NTRK3: variants seen among roughly 807,000 people sequenced by gnomAD.
NTRK3 encodes the protein NT-3 growth factor receptor.
NTRK3 carries 24 observed loss-of-function variants against 91.7 expected under a neutral mutation model. That is an observed-to-expected ratio of 0.26 (90% CI 0.19 to 0.37). NTRK3 has a LOEUF of 0.37. NTRK3 is among the 10% of genes least tolerant of loss of function. The pLI, the probability that NTRK3 is intolerant of heterozygous loss-of-function variation, is 1.00. For missense variants in NTRK3, 880 were observed against 1,068.9 expected, an observed-to-expected ratio of 0.82 and a Z score of 2.46; for synonymous variants, 483 against 404.0, an observed-to-expected ratio of 1.20 and a Z score of -2.34.
intron 13 of NTRK3, among the ~76,000 whole-genome samples, chr15:88,063,812 G>C (rs1295032868): frequency 6.6e-6 from 1 of 152,226 alleles, no homozygotes; most frequent in Non-Finnish European, 1.5e-5. Context: ...CTCCTGTCAT[G>C]AAAGGCCAAA....
intron 13 of NTRK3, among the ~76,000 whole-genome samples, chr15:88,034,429 G>A (rs529357142): frequency 6.6e-6 from 1 of 152,326 alleles, no homozygotes; most frequent in African/African-American, 2.4e-5. Flanking sequence ...CTTGGTAGAA[G>A]AATGCTTCTG....
intron 3 of NTRK3, among the ~76,000 whole-genome samples, chr15:88,226,103 G>A (rs1173488979): frequency 6.6e-6 from 1 of 152,198 alleles, no homozygotes; most frequent in Non-Finnish European, 1.5e-5. Flanking sequence ...GCAACACCAG[G>A]CAAGTCCTCT....
intron 3 of NTRK3, among the ~76,000 whole-genome samples, chr15:88,236,995 C>T (rs987017414): frequency 3.3e-5 from 5 of 152,152 alleles, no homozygotes; most frequent in East Asian, 3.9e-4. Flanking sequence ...TTAAGAGTAA[C>T]GCATTTCATT....
intron 3 of NTRK3, among the ~76,000 whole-genome samples, chr15:88,212,726 A>T (rs1365087866): frequency 2.4e-4 from 2 of 8,326 alleles, no homozygotes; most frequent in Non-Finnish European, 7.4e-4. Flanking sequence ...ACACACACAC[A>T]CACACACACA....
rs1175393887 is a variant in NTRK3, at chr15:88,235,935, C to T, written c.248+19971G>A. Reference sequence around the variant, plus strand: ...CCTCTGCAAGGCAAAGATACAAGGTCCTGTTTCGATGAGTCACATAAATGT... The same window carrying T: ...CCTCTGCAAGGCAAAGATACAAGGTTCTGTTTCGATGAGTCACATAAATGT... On this transcript the variant is annotated intron_variant, in intron 3 of 18. Transcript: ENST00000394480. The surrounding 1 kb of genome is among the most constrained non-coding windows in gnomAD (Gnocchi z 5.2). 6.6e-6 allele frequency among the ~76,000 whole-genome samples: 1 copy of T among 152,220 alleles called. No individual in the cohort carries two copies. Among genetic ancestry groups the T allele is most frequent in the Non-Finnish European group, 1.5e-5 (1 of 68,046 alleles).
intron 3 of NTRK3, among the ~76,000 whole-genome samples, chr15:88,247,282 CACCA>C (rs1468016821): frequency 6.6e-6 from 1 of 152,202 alleles, no homozygotes; most frequent in Admixed American, 6.5e-5. Flanking sequence ...CCAGAGCAGA[CACCA>C]ACAGGCGGAT....
At chr15:88,054,848 T>C (rs1014187429) in intron 13 of NTRK3, among the ~76,000 whole-genome samples, 1 of 152,202 alleles carries the variant, frequency 6.6e-6, no homozygotes, top group South Asian at 2.1e-4. Flanking sequence ...TGCATGTATT[T>C]TTTTTTCCAA....
chr15:87,879,401 C>G (rs1463670039), intron 18 of NTRK3, among the ~76,000 whole-genome samples: 8 of 152,188 alleles, frequency 5.3e-5, no homozygotes, highest in African/African-American at 1.4e-4. Flanking sequence ...CCTGGGGCAA[C>G]ATGGCATGGT....
At chr15:88,069,762 C>T (rs1435505702) in intron 13 of NTRK3, among the ~76,000 whole-genome samples, 1 of 152,216 alleles carries the variant, frequency 6.6e-6, no homozygotes, top group East Asian at 1.9e-4. Context: ...CTCATTCTCT[C>T]CTTTAGTGTT....
intron 14 of NTRK3, among the ~76,000 whole-genome samples, chr15:87,957,977 G>C (rs531459986): frequency 1.3e-5 from 2 of 152,190 alleles, no homozygotes; most frequent in Non-Finnish European, 2.9e-5. Flanking sequence ...ACAAAAGGGA[G>C]CCTATAAGCT....
intron 3 of NTRK3, among the ~76,000 whole-genome samples, chr15:88,254,198 A>C (rs1407374626): frequency 2.0e-5 from 3 of 151,964 alleles, no homozygotes; most frequent in Non-Finnish European, 4.4e-5. Flanking sequence ...CCTACTACCC[A>C]CATCCACCCC....
chr15:88,109,746 C>A (rs766243774), intron 13 of NTRK3, among the ~76,000 whole-genome samples: 10 of 152,166 alleles, frequency 6.6e-5, no homozygotes, highest in Non-Finnish European at 1.3e-4. Flanking sequence ...CACTGAGATT[C>A]TGACCCACTG....
intron 3 of NTRK3, among the ~76,000 whole-genome samples, chr15:88,227,019 G>C (rs772330896): frequency 2.0e-5 from 3 of 152,202 alleles, no homozygotes; most frequent in African/African-American, 7.2e-5. Context: ...TACAGAGATA[G>C]AGGATGCTCT....
At chr15:88,184,676 G>A (rs1161966415) in intron 3 of NTRK3, among the ~76,000 whole-genome samples, 1 of 152,140 alleles carries the variant, frequency 6.6e-6, no homozygotes, top group Non-Finnish European at 1.5e-5. Context: ...CCTAAGGACT[G>A]GCCTTTTTTT....
exon 19 of NTRK3, chr15:87,871,465 AG>A (rs2064825957): frequency 4.3e-6 from 1 of 230,384 alleles, no homozygotes; most frequent in Non-Finnish European, 8.6e-6. Context: ...CACCCCTCCT[AG>A]GGGGTGGTTT....
intron 3 of NTRK3, among the ~76,000 whole-genome samples, chr15:88,231,769 A>G (rs1406917355): frequency 1.3e-5 from 2 of 152,210 alleles, no homozygotes; most frequent in Non-Finnish European, 2.9e-5. Context: ...TTGTGACTCT[A>G]GTATCCACCT....
intron 3 of NTRK3, among the ~76,000 whole-genome samples, chr15:88,245,990 G>T (rs1036596408): frequency 1.3e-5 from 2 of 152,174 alleles, no homozygotes; most frequent in African/African-American, 4.8e-5. Flanking sequence ...GGGAAAGATG[G>T]ACCACAACAG....
chr15:88,042,654 T>C (rs1596928742), intron 13 of NTRK3, among the ~76,000 whole-genome samples: 1 of 152,188 alleles, frequency 6.6e-6, no homozygotes, highest in East Asian at 1.9e-4. Context: ...CACTTGGTGA[T>C]TGAAAATGAT....
At chr15:88,216,645 C>T (rs565543438) in intron 3 of NTRK3, among the ~76,000 whole-genome samples, 4 of 152,328 alleles carry the variant, frequency 2.6e-5, no homozygotes, top group Admixed American at 2.6e-4. Context: ...AGCCATCCTT[C>T]CTAGAACAGG....
Sources: gnomAD v4.1 joint callset for allele counts (sites outside exome capture counted in the v4.1 genomes callset) on GRCh38, gnomAD v4.1.1 for gene constraint, Gnocchi (gnomAD v3.1) non-coding constraint, MANE v1.5 for transcripts, NCBI Gene and HGNC (gene_info 2026-07-23, HGNC 2026-07-21) for gene names.